Variants in UQCC1 observed in about 807,000 individuals in gnomAD.
UQCC1 encodes the protein bFGF-repressed Zic-binding protein.
A neutral mutation model predicts 48.0 loss-of-function variants in UQCC1; 38 were observed. The observed-to-expected ratio is 0.79, with a 90% CI of 0.61 to 1.04. The LOEUF is 1.04. UQCC1 is among the 50% of genes least tolerant of loss of function. UQCC1 has a pLI of 0.00. For synonymous variants in UQCC1, 111 were observed against 129.2 expected, an observed-to-expected ratio of 0.86 and a Z score of 0.95; for missense variants, 368 against 381.8, an observed-to-expected ratio of 0.96 and a Z score of 0.30.
At chr20:35,376,947 T>TCAAAA (rs1178698253) in intron 4 of UQCC1, among the ~76,000 whole-genome samples, 5 of 134,604 alleles carry the variant, frequency 3.7e-5, no homozygotes, top group South Asian at 4.8e-4. Context: ...AGACTCCATC[T>TCAAAA]CAAAACAAAA....
chr20:35,375,947 T>TAA (rs11367331), intron 4 of UQCC1, among the ~76,000 whole-genome samples: 3 of 64,726 alleles, frequency 4.6e-5, no homozygotes, highest in African/African-American at 6.7e-5. Context: ...GGACCTTGCC[T>TAA]AAAAAAAAAA....
chr20:35,395,011 G>A (rs1364805056), intron 1 of UQCC1, among the ~76,000 whole-genome samples: 1 of 152,150 alleles, frequency 6.6e-6, no homozygotes, highest in African/African-American at 2.4e-5. Flanking sequence ...ATACACCTCA[G>A]GAACAGCCAA....
chr20:35,365,695 T>C (rs902968929), intron 6 of UQCC1, among the ~76,000 whole-genome samples: 1 of 151,238 alleles, frequency 6.6e-6, no homozygotes, highest in African/African-American at 2.4e-5. Context: ...ACTGCCACCT[T>C]AGGCCCCTAA....
At chr20:35,403,453 C>T (rs1279367178) in intron 1 of UQCC1, among the ~76,000 whole-genome samples, 1 of 152,110 alleles carries the variant, frequency 6.6e-6, no homozygotes, top group African/African-American at 2.4e-5. Flanking sequence ...TAGCAACAAC[C>T]ACTAAAGGAA....
chr20:35,306,578 G>GT (rs1227184021), intron 9 of UQCC1, 88 bp downstream of exon 9: 10 of 1,011,490 alleles, frequency 9.9e-6, no homozygotes, highest in African/African-American at 3.2e-5. Flanking sequence ...CTGGTCCTTG[G>GT]TAACTCCACC....
intron 5 of UQCC1, among the ~76,000 whole-genome samples, chr20:35,371,761 T>G (rs2061735088): frequency 6.8e-6 from 1 of 147,962 alleles, no homozygotes; most frequent in Non-Finnish European, 1.5e-5. Flanking sequence ...ATCCCTGCAC[T>G]TCAGGAAGCT....
At chr20:35,350,380 G>A (rs1343302888) in intron 6 of UQCC1, among the ~76,000 whole-genome samples, 1 of 152,178 alleles carries the variant, frequency 6.6e-6, no homozygotes, top group Non-Finnish European at 1.5e-5. Context: ...AACGCTTGGT[G>A]GGAACTCGGG....
intron 7 of UQCC1, among the ~76,000 whole-genome samples, chr20:35,334,317 A>T (rs1057045340): frequency 6.6e-6 from 1 of 152,204 alleles, no homozygotes; most frequent in African/African-American, 2.4e-5. Flanking sequence ...GAGTCTGTAA[A>T]TATCAGACAC....
At chr20:35,319,665 G>C (rs147222031) in intron 7 of UQCC1, among the ~76,000 whole-genome samples, 1 of 152,252 alleles carries the variant, frequency 6.6e-6, no homozygotes, top group African/African-American at 2.4e-5. Context: ...AAAAGGAAGG[G>C]ATGCAAGAGT....
At chr20:35,321,277 T>C (rs372445067) in intron 7 of UQCC1, among the ~76,000 whole-genome samples, 56 of 138,160 alleles carry the variant, frequency 4.1e-4, no homozygotes, top group African/African-American at 1.4e-3. Flanking sequence ...TGTGTGTGTG[T>C]GTGTGTGCGC....
Position 35,304,000 on chromosome 20 carries a change from C to T in UQCC1, c.835G>A (p.Val279Met), listed in dbSNP as rs1189271504. ...LTGEVSWRPLVEKNPQSILKP... is the reference protein window; with the variant it reads ...LTGEVSWRPLMEKNPQSILKP... Reference sequence around the variant, plus strand: ...AGGATGCTCTGAGGATTCTTCTCCACTAGAGGGCGCCAGCTCACCTCCCCT... The same window carrying T: ...AGGATGCTCTGAGGATTCTTCTCCATTAGAGGGCGCCAGCTCACCTCCCCT... The change falls in exon 10 of 10, where the codon GTG becomes ATG. Residue 279 changes from valine to methionine, a missense_variant. Transcript: ENST00000374385. 1 of 1,614,154 alleles carries T rather than the reference C, an allele frequency of 6.2e-7. No homozygotes were observed. The highest frequency in any genetic ancestry group is 8.5e-7 in the Non-Finnish European group (1 of 1,180,004).
rs372268386 is a variant in UQCC1, at chr20:35,393,473, T to TAC, written c.129+617_129+618dup. Among the ~76,000 whole-genome samples, 602 of 135,352 alleles carry TAC rather than the reference T, an allele frequency of 4.4e-3. 5 individuals carry two copies. Among genetic ancestry groups the TAC allele is most frequent in the East Asian group, 9.7e-3 (44 of 4,542 alleles). The allele number at this position is 135,352 out of a possible 152,430, so 88.8% of individuals were successfully genotyped here. On this transcript the variant is annotated intron_variant, in intron 2 of 9. Transcript: ENST00000374385. ...CTTCAGGAATAACATTACATATACA[T>TAC]ACACACACACACACACACAAACACA...
intron 7 of UQCC1, among the ~76,000 whole-genome samples, chr20:35,343,714 T>G (rs1445572077): frequency 6.6e-6 from 1 of 152,208 alleles, no homozygotes; most frequent in African/African-American, 2.4e-5. Context: ...GAAGGCAATT[T>G]AAGAGCCTGT....
chr20:35,343,746 T>C (rs544426952), intron 7 of UQCC1, among the ~76,000 whole-genome samples: 3 of 152,176 alleles, frequency 2.0e-5, no homozygotes, highest in Non-Finnish European at 2.9e-5. Flanking sequence ...ACCTAAAACC[T>C]TGCTATTGTC....
chr20:35,347,653 A>T (rs2061445852), intron 6 of UQCC1, among the ~76,000 whole-genome samples: 1 of 152,158 alleles, frequency 6.6e-6, no homozygotes, highest in African/African-American at 2.4e-5. Context: ...GACGGAAAGT[A>T]ATTTGCCCAA....
At chr20:35,349,768 A>C (rs1205611568) in intron 6 of UQCC1, among the ~76,000 whole-genome samples, 1 of 152,166 alleles carries the variant, frequency 6.6e-6, no homozygotes, top group Non-Finnish European at 1.5e-5. Flanking sequence ...AGGCCAAGGC[A>C]GGAAAATCAC....
At chr20:35,357,988 T>C (rs1009277781) in intron 6 of UQCC1, among the ~76,000 whole-genome samples, 4 of 152,056 alleles carry the variant, frequency 2.6e-5, no homozygotes, top group South Asian at 2.1e-4. Flanking sequence ...CGAGGGGGAA[T>C]TGAGAAGGGC....
At chr20:35,371,621 C>T (rs577123523) in intron 5 of UQCC1, among the ~76,000 whole-genome samples, 79 of 150,114 alleles carry the variant, frequency 5.3e-4, no homozygotes, top group African/African-American at 1.7e-3. Context: ...CGTGAGCCAC[C>T]GCGCCCAGCC....
At chr20:35,389,824 T>G (rs2061991909) in intron 2 of UQCC1, among the ~76,000 whole-genome samples, 1 of 152,234 alleles carries the variant, frequency 6.6e-6, no homozygotes, top group Non-Finnish European at 1.5e-5. Context: ...ATCCTAATTC[T>G]GGGTATATAT....
Sources: gnomAD v4.1 joint callset for allele counts (sites outside exome capture counted in the v4.1 genomes callset) on GRCh38, gnomAD v4.1.1 for gene constraint, MANE v1.5 for transcripts, NCBI Gene and HGNC (gene_info 2026-07-23, HGNC 2026-07-21) for gene names.